The following DPH6 variants were observed in gnomAD, a reference collection of about 807,000 sequenced individuals.
DPH6 encodes the protein diphthamine biosynthesis 6.
A neutral mutation model predicts 38.2 loss-of-function variants in DPH6; 33 were observed. The ratio of observed to expected loss-of-function variants is 0.86; its 90% CI spans 0.65 to 1.15. The LOEUF is 1.15. Among genes scored for constraint, DPH6 ranks in the 50% most tolerant of loss-of-function variants. The pLI is 0.00. For synonymous variants in DPH6, 108 were observed against 103.0 expected, an observed-to-expected ratio of 1.05 and a Z score of -0.30; for missense variants, 325 against 320.0, an observed-to-expected ratio of 1.02 and a Z score of -0.12.
intron 6 of DPH6, among the ~76,000 whole-genome samples, chr15:35,394,686 C>A (rs969521109): frequency 6.6e-6 from 1 of 152,168 alleles, no homozygotes; most frequent in African/African-American, 2.4e-5. Context: ...TATGTAAGCG[C>A]TTTCTCTGAG....
At chr15:35,495,291 G>T (rs2054534884) in intron 3 of DPH6, among the ~76,000 whole-genome samples, 1 of 152,164 alleles carries the variant, frequency 6.6e-6, no homozygotes, top group South Asian at 2.1e-4. Context: ...CACAGACATT[G>T]TTCGCAGATA....
At chr15:35,375,904 G>A (rs998337990) in intron 7 of DPH6, among the ~76,000 whole-genome samples, 1 of 152,078 alleles carries the variant, frequency 6.6e-6, no homozygotes, top group Non-Finnish European at 1.5e-5. Flanking sequence ...ACTACGCTAA[G>A]CTGGGACTGA....
At chr15:35,314,514 CA>C (rs1184206012) in intron 3 of DPH6, among the ~76,000 whole-genome samples, 1 of 152,170 alleles carries the variant, frequency 6.6e-6, no homozygotes, top group African/African-American at 2.4e-5. Flanking sequence ...GAACTGCTAA[CA>C]AATGTCCAGT....
intron 2 of DPH6, among the ~76,000 whole-genome samples, chr15:35,541,013 T>C (rs1383227740): frequency 1.3e-5 from 2 of 152,118 alleles, no homozygotes; most frequent in African/African-American, 4.8e-5. Flanking sequence ...TCTTTTATAA[T>C]ACAGAAGTTA....
chr15:35,310,767 T>G (rs924215864), intron 3 of DPH6, among the ~76,000 whole-genome samples: 4 of 151,914 alleles, frequency 2.6e-5, no homozygotes, highest in African/African-American at 2.4e-5. Flanking sequence ...GATCATAAAT[T>G]GGCCGAGTGT....
chr15:35,264,788 C>T lies in DPH6; in HGVS notation n.201-44206G>A, dbSNP rs528064729. Among the ~76,000 whole-genome samples, 44 of 152,252 alleles carry T rather than the reference C, an allele frequency of 2.9e-4. 1 individual carries two copies. Among genetic ancestry groups the T allele is most frequent in the African/African-American group, 1.0e-3 (42 of 41,542 alleles). On this transcript the variant is annotated intron_variant and non_coding_transcript_variant, in intron 3 of 3. Coordinates refer to the DPH6 transcript ENST00000560386. The stretch of plus-strand genomic sequence containing the variant: ...ACTGAGAATACAGAGATAAATATGA[C>T]ATAGAACTATAATTGAATTCCCAAT...
downstream of DPH6, among the ~76,000 whole-genome samples, chr15:35,368,247 C>T (rs1436524082): frequency 3.3e-5 from 5 of 151,646 alleles, no homozygotes; most frequent in East Asian, 1.9e-4. Context: ...AAAGGAAAGC[C>T]GGTAAGACAG....
the DPH6 span, among the ~76,000 whole-genome samples, chr15:35,179,204 C>CTCAAA: frequency 2.6e-4 from 13 of 50,596 alleles, no homozygotes; most frequent in South Asian, 8.4e-4. Context: ...ACAACTCTGT[C>CTCAAA]AAAAAAAAAA....
At chr15:35,498,596 G>A (rs912973252) in intron 3 of DPH6, among the ~76,000 whole-genome samples, 7 of 152,014 alleles carry the variant, frequency 4.6e-5, no homozygotes, top group Admixed American at 3.9e-4. Context: ...GTGTACATGC[G>A]TCCTTGTTGA....
intron 3 of DPH6, among the ~76,000 whole-genome samples, chr15:35,347,807 C>G (rs2052475319): frequency 6.6e-6 from 1 of 151,940 alleles, no homozygotes; most frequent in Non-Finnish European, 1.5e-5. Flanking sequence ...TCTTCAAGAA[C>G]ACTTGTTAGT....
In DPH6 at chr15:35,389,685, AT is replaced by A. The variant is rs924002770; in HGVS notation, c.568-7770del. On this transcript the variant is annotated intron_variant, in intron 6 of 8. Transcript: ENST00000256538. ...CAATCCCTGCCTTTTTTTGTTTTCGATTTGCTTGGTAGATCTTCCTCCATCC... is the reference window on the plus strand; with the variant it reads ...CAATCCCTGCCTTTTTTTGTTTTCGATTGCTTGGTAGATCTTCCTCCATCC... Among the ~76,000 whole-genome samples the A allele has an allele frequency of 9.3e-5, 14 of 151,272 alleles. 2 individuals carry two copies. Among genetic ancestry groups the A allele is most frequent in the South Asian group, 2.1e-4 (1 of 4,780 alleles).
rs575793687 is a variant in DPH6, at chr15:35,259,987, C to T, written n.201-39405G>A. Reference sequence around the variant, plus strand: ...AAGTGCAAATGCTCAGAAATCCAAGCTGGAAAAAATAGTCCAATTAACCCC... The same window carrying T: ...AAGTGCAAATGCTCAGAAATCCAAGTTGGAAAAAATAGTCCAATTAACCCC... On this transcript the variant is annotated intron_variant and non_coding_transcript_variant, in intron 3 of 3. Coordinates refer to the DPH6 transcript ENST00000560386. Among the ~76,000 whole-genome samples the T allele has an allele frequency of 2.0e-5, 3 of 152,220 alleles. No homozygotes were observed. The East Asian group carries it at 5.8e-4, about 29-fold the overall frequency.
intron 3 of DPH6, among the ~76,000 whole-genome samples, chr15:35,322,607 T>G (rs1008746849): frequency 6.6e-6 from 1 of 152,192 alleles, no homozygotes; most frequent in African/African-American, 2.4e-5. Context: ...TTCTTTGGAG[T>G]TGGAGAGTAT....
chr15:35,318,639 GA>G (rs1406708596), intron 3 of DPH6, among the ~76,000 whole-genome samples: 1 of 152,054 alleles, frequency 6.6e-6, no homozygotes, highest in Admixed American at 6.6e-5. Flanking sequence ...AATTAAGCTA[GA>G]AATCAAGAAC....
At chr15:35,521,052 C>T (rs2054916460) in intron 3 of DPH6, 1 of 985,022 alleles carries the variant, frequency 1.0e-6, no homozygotes, top group South Asian at 4.7e-5. Flanking sequence ...ATGTAGATTT[C>T]ATTTTATTAC....
intron 3 of DPH6, chr15:35,520,534 AC>A: frequency 6.1e-6 from 6 of 984,536 alleles, no homozygotes; most frequent in Non-Finnish European, 7.2e-6. Flanking sequence ...TGTCAAAGGT[AC>A]TTTCAGTACA....
intron 3 of DPH6, among the ~76,000 whole-genome samples, chr15:35,495,956 C>G (rs761410130): frequency 6.6e-6 from 1 of 152,104 alleles, no homozygotes; most frequent in Non-Finnish European, 1.5e-5. Context: ...ATAGTGGAAT[C>G]TCTTCAATAT....
At position 35,513,940 on chromosome 15, in the gene DPH6, G is replaced by C. The variant is rs1227161808; in HGVS notation, c.312+24334C>G. Among the ~76,000 whole-genome samples the C allele has an allele frequency of 1.3e-4, 20 of 151,470 alleles. 2 individuals carry two copies. The highest frequency in any genetic ancestry group is 1.3e-3 in the Admixed American group (20 of 15,210). Reference sequence around the variant, plus strand: ...AAATTTTCATAAAAGTCTTTTTCTTGGTTGCTAATGCTTCATAATCATTTC... The same window carrying C: ...AAATTTTCATAAAAGTCTTTTTCTTCGTTGCTAATGCTTCATAATCATTTC... On this transcript the variant is annotated intron_variant, in intron 3 of 8. Coordinates refer to ENST00000256538, the MANE Select transcript of DPH6 (RefSeq NM_080650.4).
At chr15:35,273,772 A>G (rs897192142) in intron 3 of DPH6, among the ~76,000 whole-genome samples, 2 of 152,248 alleles carry the variant, frequency 1.3e-5, no homozygotes, top group Non-Finnish European at 2.9e-5. Context: ...AACAAATGGA[A>G]AAACATTCCA....
Sources: gnomAD v4.1 joint callset for allele counts (sites outside exome capture counted in the v4.1 genomes callset) on GRCh38, gnomAD v4.1.1 for gene constraint, MANE v1.5 for transcripts, NCBI Gene and HGNC (gene_info 2026-07-23, HGNC 2026-07-21) for gene names.